The following PHF24 variants were observed in gnomAD, a reference collection of about 807,000 sequenced individuals.
The protein encoded by PHF24 is PHD finger protein 24, also known as Galpha inhibitory interacting protein.
A neutral mutation model predicts 42.6 loss-of-function variants in PHF24; 25 were observed. That is an observed-to-expected ratio of 0.59 (90% CI 0.43 to 0.82). The LOEUF is 0.82. PHF24 is among the 40% of genes least tolerant of loss of function. PHF24 has a pLI of 0.00. For synonymous variants in PHF24, 185 were observed against 204.8 expected (o/e 0.90, Z 0.83); for missense variants, 470 against 538.1 (o/e 0.87, Z 1.25).
chr9:34,776,796 G>A, the PHF24 span, among the ~76,000 whole-genome samples: 2 of 152,138 alleles, frequency 1.3e-5, no homozygotes, highest in African/African-American at 4.8e-5. Flanking sequence ...TTACATTGAT[G>A]TCTGCACAAT....
the PHF24 span, among the ~76,000 whole-genome samples, chr9:34,806,208 G>A: frequency 6.6e-6 from 1 of 151,156 alleles, no homozygotes; most frequent in Non-Finnish European, 1.5e-5. Context: ...AGGGTCTCTT[G>A]CAATTCTATA....
chr9:34,811,809 T>C, the PHF24 span, among the ~76,000 whole-genome samples: 2 of 152,156 alleles, frequency 1.3e-5, no homozygotes, highest in Admixed American at 1.3e-4. Context: ...TATCAATATC[T>C]TAAAAATTCT....
chr9:34,948,360 C>T, the PHF24 span, among the ~76,000 whole-genome samples: 1 of 152,126 alleles, frequency 6.6e-6, no homozygotes, highest in Admixed American at 6.5e-5. Context: ...ATAAAGTCTA[C>T]AGTCATGTGC....
At chr9:34,739,989 G>C in the PHF24 span, among the ~76,000 whole-genome samples, 2 of 152,170 alleles carry the variant, frequency 1.3e-5, no homozygotes, top group East Asian at 1.9e-4. Context: ...GTCCCCACCA[G>C]AGTAGCTAGA....
the PHF24 span, among the ~76,000 whole-genome samples, chr9:34,783,856 T>A: frequency 6.6e-6 from 1 of 152,208 alleles, no homozygotes; most frequent in African/African-American, 2.4e-5. Context: ...GTTTAACTTT[T>A]TAATTGATGT....
the PHF24 span, among the ~76,000 whole-genome samples, chr9:34,820,735 C>T: frequency 6.6e-6 from 1 of 152,016 alleles, no homozygotes; most frequent in Admixed American, 6.6e-5. Flanking sequence ...ATTTATATTC[C>T]TTTGGGTATA....
chr9:34,800,403 C>T, the PHF24 span, among the ~76,000 whole-genome samples: 1 of 152,130 alleles, frequency 6.6e-6, no homozygotes, highest in Non-Finnish European at 1.5e-5. Context: ...CATCACACCA[C>T]CTGACTTCAA....
chr9:34,736,022 T>A, the PHF24 span, among the ~76,000 whole-genome samples: 5,351 of 152,066 alleles, frequency 0.035, 303 homozygotes, highest in African/African-American at 0.12. Flanking sequence ...TAAGTATAGT[T>A]ACACAGATAA....
At chr9:34,852,064 T>C in the PHF24 span, among the ~76,000 whole-genome samples, 1 of 152,178 alleles carries the variant, frequency 6.6e-6, no homozygotes, top group Non-Finnish European at 1.5e-5. Flanking sequence ...CCAACCCCTC[T>C]TTATTCTCCT....
At chr9:34,836,933 C>A in the PHF24 span, 1 of 334,602 alleles carries the variant, frequency 3.0e-6, no homozygotes, top group Non-Finnish European at 6.1e-6. Context: ...ACCCTCTCAA[C>A]TAGTGAACCA....
chr9:34,851,934 A>C, the PHF24 span, among the ~76,000 whole-genome samples: 1 of 152,230 alleles, frequency 6.6e-6, no homozygotes, highest in African/African-American at 2.4e-5. Context: ...GAATTTGACT[A>C]TGTACTTGCT....
chr9:34,673,430 G>A, the PHF24 span, among the ~76,000 whole-genome samples: 1 of 152,006 alleles, frequency 6.6e-6, no homozygotes, highest in East Asian at 1.9e-4. Context: ...AGCCAGGGTT[G>A]CAGATAATCT....
At chr9:34,827,562 A>C in the PHF24 span, among the ~76,000 whole-genome samples, 1 of 118,974 alleles carries the variant, frequency 8.4e-6, no homozygotes, top group Non-Finnish European at 1.8e-5. Flanking sequence ...CCTCCTCCTC[A>C]TGATGGGATG....
the PHF24 span, among the ~76,000 whole-genome samples, chr9:34,831,842 C>T: frequency 6.6e-6 from 1 of 152,102 alleles, no homozygotes; most frequent in Non-Finnish European, 1.5e-5. Context: ...CAGCAGGCTC[C>T]AAGATGGATT....
chr9:34,704,223 G>T, the PHF24 span, among the ~76,000 whole-genome samples: 4 of 150,740 alleles, frequency 2.7e-5, no homozygotes, highest in East Asian at 5.9e-4. Flanking sequence ...AGAGACAGGG[G>T]TCTTGCTTCG....
At chr9:34,953,426 C>T (rs952614703), upstream of PHF24, among the ~76,000 whole-genome samples, 1 of 152,198 alleles carries the variant, frequency 6.6e-6, no homozygotes, top group Non-Finnish European at 1.5e-5. The surrounding 1 kb of genome is among the most constrained non-coding windows in gnomAD (Gnocchi z 4.1). Context: ...GTGTGAGTCA[C>T]CGCATCCAGC....
chr9:34,945,572 A>C, the PHF24 span, among the ~76,000 whole-genome samples: 3 of 152,166 alleles, frequency 2.0e-5, no homozygotes, highest in Non-Finnish European at 4.4e-5. Context: ...TGGGATCTTT[A>C]AGGGGTCTGC....
the PHF24 span, among the ~76,000 whole-genome samples, chr9:34,758,557 C>A: frequency 6.6e-6 from 1 of 152,120 alleles, no homozygotes; most frequent in Non-Finnish European, 1.5e-5. The surrounding 1 kb of genome is among the most constrained non-coding windows in gnomAD (Gnocchi z 4.4). Context: ...CATTCAGCAA[C>A]CCTTGTGGGC....
chr9:34,895,684 A>T, the PHF24 span: 2 of 404,762 alleles, frequency 4.9e-6, no homozygotes, highest in East Asian at 7.1e-5. Context: ...TGTATAAGGG[A>T]TATCCAACAT....
Sources: allele counts gnomAD v4.1 joint callset (sites outside exome capture counted in the v4.1 genomes callset), GRCh38; gene constraint gnomAD v4.1.1; non-coding constraint Gnocchi (gnomAD v3.1); transcripts MANE v1.5; gene names NCBI Gene and HGNC (gene_info 2026-07-23, HGNC 2026-07-21).